XKR6: variants seen among roughly 807,000 people sequenced by gnomAD.
XKR6 encodes XK-related protein 6.
In XKR6, 22 loss-of-function variants were observed where a neutral mutation model predicts 56.7. That is an observed-to-expected ratio of 0.39 (90% CI 0.28 to 0.55). XKR6 has a LOEUF of 0.55. Ranked by LOEUF, XKR6 falls within the 20% of genes least tolerant of loss-of-function variation. The pLI is 0.66. For missense variants in XKR6, 852 were observed against 889.0 expected, an observed-to-expected ratio of 0.96 and a Z score of 0.53; for synonymous variants, 524 against 387.8, an observed-to-expected ratio of 1.35 and a Z score of -4.13.
intron 1 of XKR6, among the ~76,000 whole-genome samples, chr8:11,150,446 A>T (rs149618258): frequency 9.9e-4 from 151 of 152,316 alleles, no homozygotes; most frequent in African/African-American, 3.5e-3. Context: ...AAATTTGATT[A>T]CGTAAAGTCC....
intron 1 of XKR6, among the ~76,000 whole-genome samples, chr8:10,932,329 T>G (rs1801074794): frequency 1.3e-5 from 2 of 152,184 alleles, no homozygotes; most frequent in Admixed American, 6.5e-5. Flanking sequence ...ACTCTCCACA[T>G]ATGACCCATA....
At chr8:11,196,725 A>G (rs1803910671) in intron 1 of XKR6, among the ~76,000 whole-genome samples, 1 of 152,230 alleles carries the variant, frequency 6.6e-6, no homozygotes, top group Non-Finnish European at 1.5e-5. Flanking sequence ...TTCTAAAACT[A>G]TGACTTCTTG....
chr8:11,038,520 T>C (rs1254135465), intron 1 of XKR6, among the ~76,000 whole-genome samples: 1 of 149,426 alleles, frequency 6.7e-6, no homozygotes, highest in Non-Finnish European at 1.5e-5. Flanking sequence ...TGTGTGTGTG[T>C]GTGTGTGTGT....
intron 1 of XKR6, among the ~76,000 whole-genome samples, chr8:11,126,602 C>G (rs1720894346): frequency 6.6e-6 from 1 of 152,130 alleles, no homozygotes; most frequent in Admixed American, 6.6e-5. Context: ...CCTTATATCT[C>G]ACAAGAGGCC....
intron 2 of XKR6, among the ~76,000 whole-genome samples, chr8:10,924,026 C>T (rs1053357473): frequency 3.9e-5 from 6 of 152,344 alleles, no homozygotes; most frequent in African/African-American, 1.4e-4. Flanking sequence ...GCAACTTCTA[C>T]ACTTTGGGAT....
intron 1 of XKR6, among the ~76,000 whole-genome samples, chr8:10,997,631 G>A (rs562287584): frequency 6.6e-6 from 1 of 152,352 alleles, no homozygotes; most frequent in South Asian, 2.1e-4. Context: ...AGAGTCATGA[G>A]CCTCTGCAGG....
intron 2 of XKR6, among the ~76,000 whole-genome samples, chr8:10,918,470 C>T (rs774617122): frequency 1.3e-5 from 2 of 152,234 alleles, no homozygotes; most frequent in Non-Finnish European, 2.9e-5. Context: ...CCATGCCCAG[C>T]TTGGCCATGG....
intron 2 of XKR6, among the ~76,000 whole-genome samples, chr8:10,908,814 T>C (rs931669438): frequency 6.6e-5 from 10 of 152,334 alleles, no homozygotes; most frequent in Admixed American, 4.6e-4. Context: ...CTGAATGGAT[T>C]GGTGCAGTTA....
chr8:11,091,701 G>C (rs1195820760), intron 1 of XKR6, among the ~76,000 whole-genome samples: 6 of 152,052 alleles, frequency 3.9e-5, no homozygotes, highest in African/African-American at 4.8e-5. Flanking sequence ...AGGACATTTG[G>C]AAGCCATTTG....
At chr8:10,958,804 C>A (rs925719500) in intron 1 of XKR6, among the ~76,000 whole-genome samples, 1 of 152,204 alleles carries the variant, frequency 6.6e-6, no homozygotes, top group African/African-American at 2.4e-5. Context: ...TACAACTTAG[C>A]TTCCAGAACT....
At chr8:11,177,417 C>G (rs1230932942) in intron 1 of XKR6, among the ~76,000 whole-genome samples, 1 of 152,164 alleles carries the variant, frequency 6.6e-6, no homozygotes, top group East Asian at 1.9e-4. Context: ...TTTCAAAACC[C>G]ATTATGCTAA....
In XKR6 at chr8:11,200,887, G is replaced by A. The variant is rs776631847; in HGVS notation, c.453C>T (p.Leu151=). Residue 151 remains leucine, a synonymous_variant, in exon 1 of 3, where the codon CTC becomes CTT. Transcript: ENST00000416569. This position sits in a 1 kb window ranked among gnomAD's most constrained non-coding sequence, Gnocchi z 6.4. The part of the protein sequence containing the change: ...GDVGTDLWLA[L]DYYRKGDYVY... The stretch of plus-strand genomic sequence containing the variant: ...CGTAGTCCCCCTTGCGGTAGTAGTC[G>A]AGGGCCAGCCACAGGTCGGTGCCCA... 3 of 1,611,144 alleles carry A rather than the reference G, an allele frequency of 1.9e-6. No homozygotes were observed. Among genetic ancestry groups the A allele is most frequent in the Non-Finnish European group, 2.5e-6 (3 of 1,179,366 alleles).
intron 1 of XKR6, among the ~76,000 whole-genome samples, chr8:11,155,541 G>GCA (rs1480190132): frequency 6.6e-6 from 1 of 152,192 alleles, no homozygotes; most frequent in Non-Finnish European, 1.5e-5. Context: ...AGAACTATAT[G>GCA]CACACAAATA....
chr8:11,095,795 G>T (rs73545431), intron 1 of XKR6, among the ~76,000 whole-genome samples: 1 of 152,112 alleles, frequency 6.6e-6, no homozygotes, highest in Non-Finnish European at 1.5e-5. Flanking sequence ...AAGCTCAAAC[G>T]GGTGATTCTG....
intron 1 of XKR6, among the ~76,000 whole-genome samples, chr8:10,961,713 A>G (rs2129130758): frequency 6.6e-6 from 1 of 152,314 alleles, no homozygotes; most frequent in Admixed American, 6.5e-5. Flanking sequence ...TGGAAAAATG[A>G]GATTCTGAAC....
chr8:10,963,834 G>A (rs181923147), intron 1 of XKR6, among the ~76,000 whole-genome samples: 1 of 152,306 alleles, frequency 6.6e-6, no homozygotes, highest in African/African-American at 2.4e-5. Flanking sequence ...ACCCAGACAA[G>A]AAGGCCCTTC....
At chr8:11,173,280 C>T (rs962565913) in intron 1 of XKR6, among the ~76,000 whole-genome samples, 1 of 151,264 alleles carries the variant, frequency 6.6e-6, no homozygotes, top group African/African-American at 2.4e-5. Flanking sequence ...GGAGGCAGAG[C>T]TTGCAGTGAG....
intron 1 of XKR6, among the ~76,000 whole-genome samples, chr8:10,955,325 G>A (rs1414329346): frequency 4.6e-5 from 7 of 151,588 alleles, no homozygotes; most frequent in South Asian, 2.1e-4. Context: ...GGTGTGTGCC[G>A]ACATGCCCAG....
chr8:11,179,000 ACCTGG>A (rs1209662259), intron 1 of XKR6, among the ~76,000 whole-genome samples: 1 of 141,536 alleles, frequency 7.1e-6, no homozygotes, highest in African/African-American at 2.6e-5. Flanking sequence ...ACACGACCAC[ACCTGG>A]CTAATTTTCT....
Sources: gnomAD v4.1 joint callset for allele counts (sites outside exome capture counted in the v4.1 genomes callset) on GRCh38, gnomAD v4.1.1 for gene constraint, Gnocchi (gnomAD v3.1) non-coding constraint, MANE v1.5 for transcripts, NCBI Gene and HGNC (gene_info 2026-07-23, HGNC 2026-07-21) for gene names.